PPA2: variants seen among roughly 807,000 people sequenced by gnomAD.
PPA2 encodes the protein inorganic pyrophosphatase 2, mitochondrial.
Under a neutral mutation model 49.5 loss-of-function variants are expected in PPA2, and 48 were observed. The observed-to-expected ratio is 0.97, with a 90% CI of 0.77 to 1.23. PPA2 has a LOEUF of 1.23. Ranked by LOEUF, PPA2 falls within the 50% of genes most tolerant of loss-of-function variation. PPA2 has a pLI of 0.00. For missense variants in PPA2, 429 were observed against 410.1 expected (o/e 1.05, Z -0.40); for synonymous variants, 131 against 139.9 (o/e 0.94, Z 0.45).
At chr4:105,452,400 T>G (rs1055616567) in intron 3 of PPA2, among the ~76,000 whole-genome samples, 1 of 152,192 alleles carries the variant, frequency 6.6e-6, no homozygotes, top group Admixed American at 6.5e-5. Flanking sequence ...GTTCTCAAAC[T>G]TCACGTTTAG....
intron 10 of PPA2, among the ~76,000 whole-genome samples, chr4:105,383,614 T>C (rs551670397): frequency 1.1e-4 from 17 of 152,304 alleles, no homozygotes; most frequent in African/African-American, 3.6e-4. Context: ...AAAATCTCAA[T>C]CAACACACCC....
intron 9 of PPA2, among the ~76,000 whole-genome samples, chr4:105,394,061 T>C (rs1443822821): frequency 1.3e-5 from 2 of 152,030 alleles, no homozygotes; most frequent in East Asian, 1.9e-4. Context: ...TAAAAGAACA[T>C]AGCTATTAAC....
chr4:105,466,631 T>C (rs1368813507), intron 1 of PPA2, among the ~76,000 whole-genome samples: 2 of 152,150 alleles, frequency 1.3e-5, no homozygotes, highest in South Asian at 4.1e-4. Context: ...TAAAAGGCTT[T>C]AGAGCAGGAA....
intron 6 of PPA2, among the ~76,000 whole-genome samples, chr4:105,433,534 C>G (rs1723912654): frequency 6.6e-6 from 1 of 152,196 alleles, no homozygotes. Context: ...ACAGAAGCCA[C>G]TGTGTGTTTA....
chr4:105,408,639 G>C (rs1405938798), intron 7 of PPA2, among the ~76,000 whole-genome samples: 2 of 152,138 alleles, frequency 1.3e-5, no homozygotes, highest in African/African-American at 4.8e-5. Context: ...TGAAGAACAA[G>C]ATGACAAAGT....
At chr4:105,411,243 A>C (rs1318999964) in intron 7 of PPA2, among the ~76,000 whole-genome samples, 2 of 152,222 alleles carry the variant, frequency 1.3e-5, no homozygotes, top group Non-Finnish European at 2.9e-5. Flanking sequence ...AGCAAAAAAA[A>C]GCAAGGTTTG....
Position 105,446,488 on chromosome 4 carries a change from C to T in PPA2, c.336G>A (p.Glu112=), listed in dbSNP as rs143863356. 9.5e-5 allele frequency: 152 copies of T among 1,602,076 alleles called. No homozygotes were observed. Among genetic ancestry groups the T allele is most frequent in the Non-Finnish European group, 1.2e-4 (137 of 1,176,204 alleles). The part of the protein sequence containing the change: ...TNAKMEIATK[E]PMNPIKQYVK... ...CATATTGTTTAATGGGATTCATTGG[C>T]TCCTTGGTGGCAATCTAAGCAAATC... Residue 112 remains glutamate (E), a synonymous_variant, in exon 5 of 12, where the codon GAG becomes GAA. Coordinates refer to ENST00000341695, the MANE Select transcript of PPA2 (RefSeq NM_176869.3).
intron 5 of PPA2, among the ~76,000 whole-genome samples, chr4:105,438,310 C>G (rs545971431): frequency 1.2e-4 from 19 of 152,190 alleles, no homozygotes; most frequent in South Asian, 8.3e-4. Flanking sequence ...CAAGTTCAGT[C>G]AGGGAATAAA....
chr4:105,382,944 T>C (rs1429848277), intron 10 of PPA2, among the ~76,000 whole-genome samples: 3 of 152,026 alleles, frequency 2.0e-5, no homozygotes, highest in African/African-American at 7.3e-5. Context: ...AAGGCTGCTG[T>C]GAACTGTATG....
chr4:105,425,868 G>A (rs988298191), intron 6 of PPA2, among the ~76,000 whole-genome samples: 3 of 151,812 alleles, frequency 2.0e-5, no homozygotes, highest in Admixed American at 1.3e-4. Flanking sequence ...AGCAGATAGA[G>A]GGGAAAAAAA....
intron 8 of PPA2, among the ~76,000 whole-genome samples, chr4:105,397,804 T>A (rs1734207434): frequency 6.6e-6 from 1 of 152,150 alleles, no homozygotes; most frequent in Non-Finnish European, 1.5e-5. Flanking sequence ...CTGCTCCCCC[T>A]TCATCTTTTG....
intron 6 of PPA2, among the ~76,000 whole-genome samples, chr4:105,435,814 G>T (rs1033209665): frequency 6.6e-6 from 1 of 151,922 alleles, no homozygotes; most frequent in South Asian, 2.1e-4. Context: ...CCTCAAAATA[G>T]TAAGAGCCAT....
At chr4:105,386,973 C>A (rs749493378) in intron 9 of PPA2, among the ~76,000 whole-genome samples, 9 of 151,996 alleles carry the variant, frequency 5.9e-5, no homozygotes, top group Non-Finnish European at 1.0e-4. Context: ...CAAATTTGAC[C>A]CACACAATGG....
chr4:105,473,342 A>G, intron 1 of PPA2: 1 of 291,650 alleles, frequency 3.4e-6, no homozygotes, highest in South Asian at 2.7e-5. Context: ...GTGCGTACCA[A>G]GTCAAGCTTC....
rs149868128 is a variant in PPA2 at position 105,420,251 on chromosome 4, C to T, written c.655+3945G>A. 6.0e-4 allele frequency among the ~76,000 whole-genome samples: 92 copies of T among 152,196 alleles called. No individual in the cohort carries two copies. In the East Asian group the frequency reaches 0.011, roughly 18 times the overall value. On this transcript the variant is annotated intron_variant, in intron 7 of 11. Transcript: ENST00000341695. ...CCTCTTTTTCTAAAGATAGTAGAAA[C>T]TAATAGGATGGATATAATTTTTATT...
At position 105,369,127 on chromosome 4, in the gene PPA2, C is replaced by T. The variant is rs542413053; in HGVS notation, c.*598G>A. 43 of 152,106 alleles carry T rather than the reference C, an allele frequency of 2.8e-4. No individual in the cohort carries two copies. Among genetic ancestry groups the T allele is most frequent in the African/African-American group, 1.0e-3 (43 of 41,490 alleles). The allele number at this position is 152,106 out of a possible 1,614,324, so 9.4% of individuals were successfully genotyped here. ...ATCTGTGATTTTTACATCCAATCTA[C>T]AGAAATAAAAACTGGTAAAATCAAT... is the stretch of plus-strand genomic sequence containing the variant. On this transcript the variant is annotated 3_prime_UTR_variant, in exon 12 of 12. Transcript: ENST00000341695.
At chr4:105,413,017 T>A (rs769450442) in intron 7 of PPA2, among the ~76,000 whole-genome samples, 5 of 152,174 alleles carry the variant, frequency 3.3e-5, no homozygotes, top group Non-Finnish European at 7.3e-5. Context: ...CATGCTACTA[T>A]AAAGACACAT....
rs768436301 is a variant in PPA2, at chr4:105,456,755, CACAA to C, written c.158-14_158-11del. The C allele has an allele frequency of 7.5e-6, 12 of 1,591,104 alleles. No homozygotes were observed. The African/African-American group carries it at 8.1e-5, about 11-fold the overall frequency. On this transcript the variant is annotated splice_polypyrimidine_tract_variant and intron_variant, in intron 1 of 11. Coordinates refer to ENST00000341695, the MANE Select transcript of PPA2 (RefSeq NM_176869.3). ...TGACCAGTTACATTCTCTGCAAAGA[CACAA>C]ACAAACAAAACAAAACAGAATTAAA...
At chr4:105,401,970 T>C (rs1464674477) in intron 7 of PPA2, among the ~76,000 whole-genome samples, 1 of 152,232 alleles carries the variant, frequency 6.6e-6, no homozygotes, top group Non-Finnish European at 1.5e-5. Flanking sequence ...TTATGCTAAC[T>C]GTATCTTTTA....
Sources: allele counts gnomAD v4.1 joint callset (sites outside exome capture counted in the v4.1 genomes callset), GRCh38; gene constraint gnomAD v4.1.1; transcripts MANE v1.5; gene names NCBI Gene and HGNC (gene_info 2026-07-23, HGNC 2026-07-21).